LIMA1: variants seen among roughly 807,000 people sequenced by gnomAD.
The protein encoded by LIMA1 is LIM domain and actin-binding protein 1.
LIMA1 carries 52 observed loss-of-function variants against 62.6 expected under a neutral mutation model. That is an observed-to-expected ratio of 0.83 (90% CI 0.67 to 1.05). LIMA1 has a LOEUF of 1.05. Among genes scored for constraint, LIMA1 ranks in the 50% least tolerant of loss-of-function variants. The probability of loss-of-function intolerance (pLI) is 0.00; values close to 1 mark genes in which losing one functional copy is unlikely to be tolerated. For synonymous variants in LIMA1, 302 were observed against 317.8 expected, an observed-to-expected ratio of 0.95 and a Z score of 0.53; for missense variants, 780 against 902.2, an observed-to-expected ratio of 0.86 and a Z score of 1.74.
At chr12:50,202,899 A>G (rs1429208326) in intron 6 of LIMA1, among the ~76,000 whole-genome samples, 1 of 152,210 alleles carries the variant, frequency 6.6e-6, no homozygotes, top group Non-Finnish European at 1.5e-5. Flanking sequence ...TTGTAATTTG[A>G]AATCTTAGAA....
At chr12:50,215,306 G>T (rs1427126343) in intron 4 of LIMA1, among the ~76,000 whole-genome samples, 1 of 152,142 alleles carries the variant, frequency 6.6e-6, no homozygotes, top group Non-Finnish European at 1.5e-5. Flanking sequence ...TACATATCAT[G>T]ATCCTGGTGC....
chr12:50,202,437 G>A (rs1270650755), intron 6 of LIMA1, among the ~76,000 whole-genome samples: 2 of 152,112 alleles, frequency 1.3e-5, no homozygotes, highest in East Asian at 1.9e-4. Flanking sequence ...GAGTCACCTG[G>A]TGGGAATGTT....
intron 9 of LIMA1, chr12:50,185,377 A>G (rs1940607510): frequency 2.2e-6 from 1 of 456,092 alleles, no homozygotes. Context: ...AGAAAGCTGA[A>G]AGTTGAGCTC....
At chr12:50,190,608 G>A (rs1237970497) in intron 9 of LIMA1, among the ~76,000 whole-genome samples, 2 of 138,460 alleles carry the variant, frequency 1.4e-5, no homozygotes, top group Non-Finnish European at 3.1e-5. Flanking sequence ...TTGAACTCCC[G>A]ACCTCAGGTG....
chr12:50,216,986 A>C (rs1396060742), intron 4 of LIMA1, among the ~76,000 whole-genome samples: 1 of 152,150 alleles, frequency 6.6e-6, no homozygotes, highest in East Asian at 1.9e-4. Context: ...TTTGGAAGGC[A>C]GCTATGCTTA....
At chr12:50,180,715 A>G (rs1302537079) in intron 10 of LIMA1, among the ~76,000 whole-genome samples, 2 of 152,172 alleles carry the variant, frequency 1.3e-5, no homozygotes, top group African/African-American at 2.4e-5. Flanking sequence ...TTGCAGGATG[A>G]TAAGTTTTAT....
intron 4 of LIMA1, among the ~76,000 whole-genome samples, chr12:50,211,279 C>T (rs1329363935): frequency 2.0e-5 from 3 of 149,048 alleles, no homozygotes; most frequent in Non-Finnish European, 3.0e-5. Context: ...GCCAAGATCA[C>T]GCCATTGCAC....
intron 1 of LIMA1, among the ~76,000 whole-genome samples, chr12:50,250,276 A>T (rs996180980): frequency 7.3e-6 from 1 of 136,500 alleles, no homozygotes; most frequent in Non-Finnish European, 1.5e-5. Context: ...GGCAACAAGG[A>T]CGAAACTCCG....
intron 8 of LIMA1, among the ~76,000 whole-genome samples, chr12:50,193,989 A>AT (rs1388892709): frequency 1.4e-5 from 1 of 69,606 alleles, no homozygotes; most frequent in East Asian, 1.3e-3. Context: ...ATATATATAT[A>AT]TATATATATT....
At chr12:50,231,033 C>A (rs1027458830) in intron 3 of LIMA1, among the ~76,000 whole-genome samples, 1 of 152,084 alleles carries the variant, frequency 6.6e-6, no homozygotes, top group Non-Finnish European at 1.5e-5. Flanking sequence ...TTTTGTAATG[C>A]CATCCGAATT....
intron 8 of LIMA1, among the ~76,000 whole-genome samples, chr12:50,193,537 A>ATGTG (rs1940835717): frequency 2.2e-5 from 3 of 136,672 alleles, no homozygotes; most frequent in Non-Finnish European, 3.1e-5. Context: ...CATATATGAT[A>ATGTG]TATATATACA....
intron 2 of LIMA1, among the ~76,000 whole-genome samples, chr12:50,242,063 GC>G (rs995209522): frequency 3.5e-5 from 5 of 144,716 alleles, no homozygotes; most frequent in Non-Finnish European, 7.5e-5. Flanking sequence ...GATGGAGGAC[GC>G]TAAAATTATC....
At chr12:50,178,966 A>ATTTTTTTTTTTT (rs1555203081) in intron 10 of LIMA1, among the ~76,000 whole-genome samples, 2 of 128,928 alleles carry the variant, frequency 1.6e-5, no homozygotes, top group East Asian at 2.1e-4. Context: ...ATATATATAT[A>ATTTTTTTTTTTT]TTTTTTTTTT....
chr12:50,180,744 C>T (rs1461256292), intron 10 of LIMA1, among the ~76,000 whole-genome samples: 2 of 152,006 alleles, frequency 1.3e-5, no homozygotes, highest in Non-Finnish European at 2.9e-5. Context: ...AGTTTTTTCC[C>T]TTAAGTTACG....
intron 1 of LIMA1, among the ~76,000 whole-genome samples, chr12:50,255,967 G>A (rs1941991810): frequency 6.6e-6 from 1 of 151,896 alleles, no homozygotes; most frequent in South Asian, 2.1e-4. Context: ...TCGGCTCACT[G>A]CAACCTCCGC....
intron 4 of LIMA1, among the ~76,000 whole-genome samples, chr12:50,208,593 T>C (rs1204092730): frequency 2.6e-5 from 4 of 152,202 alleles, no homozygotes; most frequent in Non-Finnish European, 5.9e-5. Context: ...TATGTTGCAG[T>C]GAGCCAAGAT....
rs572894466 is a variant in LIMA1 at position 50,280,333 on chromosome 12, T to A, written c.-24+3087A>T. 2.6e-5 allele frequency among the ~76,000 whole-genome samples: 4 copies of A among 152,098 alleles called. No individual in the cohort carries two copies. The South Asian group carries it at 8.3e-4, about 32-fold the overall frequency. On this transcript the variant is annotated intron_variant, in intron 1 of 10. Coordinates refer to ENST00000341247, the MANE Select transcript of LIMA1 (RefSeq NM_016357.5). ...CCACGCCCGGCTAATTTTGTTTTTG[T>A]ATTTTTAGTAGAGACTGGGTTTCAC...
chr12:50,204,752 C>G (rs1316129694), intron 5 of LIMA1, 52 bp from the exon 6 acceptor site: 1 of 1,566,906 alleles, frequency 6.4e-7, no homozygotes, highest in Non-Finnish European at 8.7e-7. Flanking sequence ...TGGGGTCTCA[C>G]TCTATCACCC....
At chr12:50,242,120 A>C (rs1292191819) in intron 2 of LIMA1, among the ~76,000 whole-genome samples, 1 of 151,616 alleles carries the variant, frequency 6.6e-6, no homozygotes, top group Non-Finnish European at 1.5e-5. Flanking sequence ...GCCAGAAAAC[A>C]GAGTTCCTGA....
Sources: allele counts gnomAD v4.1 joint callset (sites outside exome capture counted in the v4.1 genomes callset), GRCh38; gene constraint gnomAD v4.1.1; transcripts MANE v1.5; gene names NCBI Gene and HGNC (gene_info 2026-07-23, HGNC 2026-07-21).